RSPO4: variants seen among roughly 807,000 people sequenced by gnomAD.
RSPO4 encodes the protein R-spondin 4, also known as R-spondin-4.
In RSPO4, 23 loss-of-function variants were observed where a neutral mutation model predicts 24.8. The observed-to-expected ratio is 0.93, with a 90% CI of 0.67 to 1.31. RSPO4 has a LOEUF of 1.31. Among genes scored for constraint, RSPO4 ranks in the 40% most tolerant of loss-of-function variants. The pLI is 0.00. For synonymous variants in RSPO4, 141 were observed against 127.4 expected, an observed-to-expected ratio of 1.11 and a Z score of -0.72; for missense variants, 333 against 316.5, an observed-to-expected ratio of 1.05 and a Z score of -0.39.
At chr20:964,719 T>C (rs1215128340) in intron 3 of RSPO4, among the ~76,000 whole-genome samples, 4 of 149,758 alleles carry the variant, frequency 2.7e-5, no homozygotes, top group Admixed American at 6.7e-5. Context: ...CATATATATA[T>C]ACACATATAT....
chr20:964,755 CAT>C (rs201245326), intron 3 of RSPO4, among the ~76,000 whole-genome samples: 187 of 131,798 alleles, frequency 1.4e-3, no homozygotes, highest in Admixed American at 2.6e-3. Flanking sequence ...TATATATACA[CAT>C]ATATATACAC....
intron 1 of RSPO4, among the ~76,000 whole-genome samples, chr20:980,080 G>C (rs1984689828): frequency 6.6e-6 from 1 of 152,064 alleles, no homozygotes; most frequent in Admixed American, 6.6e-5. Context: ...CGCATAGAGG[G>C]GCTGCAAAAC....
chr20:964,777 CATAT>C (rs1555795369), intron 3 of RSPO4, among the ~76,000 whole-genome samples: 2 of 139,904 alleles, frequency 1.4e-5, no homozygotes, highest in South Asian at 4.6e-4. Flanking sequence ...CACACACACA[CATAT>C]ATATATACAC....
At chr20:983,298 T>TCCAGCCCA (rs1984801183) in intron 1 of RSPO4, among the ~76,000 whole-genome samples, 1 of 152,228 alleles carries the variant, frequency 6.6e-6, no homozygotes, top group East Asian at 1.9e-4. Flanking sequence ...TGCAGTTTCC[T>TCCAGCCCA]ATCGGAAAAG....
At chr20:992,699 A>G (rs888744603) in intron 1 of RSPO4, among the ~76,000 whole-genome samples, 1 of 152,196 alleles carries the variant, frequency 6.6e-6, no homozygotes, top group Non-Finnish European at 1.5e-5. Context: ...CTGTCACCCA[A>G]GCATGGCAGT....
intron 1 of RSPO4, among the ~76,000 whole-genome samples, chr20:987,730 G>A (rs553404935): frequency 2.0e-5 from 3 of 152,332 alleles, no homozygotes; most frequent in African/African-American, 7.2e-5. Context: ...GGTCAAGGCT[G>A]CAATGAGCTA....
chr20:991,387 C>T (rs1985097357), intron 1 of RSPO4, among the ~76,000 whole-genome samples: 1 of 152,136 alleles, frequency 6.6e-6, no homozygotes, highest in Admixed American at 6.5e-5. Context: ...ATGATTTCTA[C>T]TCTCCAAAGG....
In RSPO4 at chr20:981,313, C is replaced by T. The variant is rs1984727167; in HGVS notation, c.80-13175G>A. The stretch of plus-strand genomic sequence containing the variant: ...GCTGAGGCAGGTAGATCATAGGAGG[C>T]CCGGAGTTCGAGACCAGCCTGGCCA... On this transcript the variant is annotated intron_variant, in intron 1 of 4. Transcript: ENST00000217260. This position sits in a 1 kb window ranked among gnomAD's most constrained non-coding sequence, Gnocchi z 4.6. 6.6e-6 allele frequency among the ~76,000 whole-genome samples: 1 copy of T among 152,116 alleles called. No individual in the cohort carries two copies. Among genetic ancestry groups the T allele is most frequent in the African/African-American group, 2.4e-5 (1 of 41,412 alleles).
chr20:996,828 C>A (rs1234433776), intron 1 of RSPO4, among the ~76,000 whole-genome samples: 1 of 150,178 alleles, frequency 6.7e-6, no homozygotes, highest in Non-Finnish European at 1.5e-5. Context: ...CCTTCGGCCA[C>A]GCAGTCCCTT....
intron 1 of RSPO4, among the ~76,000 whole-genome samples, chr20:987,857 A>G (rs1984969833): frequency 6.6e-6 from 1 of 152,216 alleles, no homozygotes; most frequent in Non-Finnish European, 1.5e-5. Flanking sequence ...TTCCACAGAT[A>G]TTTATTGAGG....
intron 1 of RSPO4, among the ~76,000 whole-genome samples, chr20:976,054 C>T (rs1568917045): frequency 6.6e-6 from 1 of 152,168 alleles, no homozygotes; most frequent in African/African-American, 2.4e-5. Flanking sequence ...GGCCCCATCA[C>T]TCATTGAATG....
intron 1 of RSPO4, among the ~76,000 whole-genome samples, chr20:979,625 T>C (rs956909010): frequency 2.0e-5 from 3 of 151,832 alleles, no homozygotes; most frequent in African/African-American, 7.3e-5. Flanking sequence ...AAGCCCTGGG[T>C]CTGGAGAGTT....
chr20:987,282 G>T (rs1178734394), intron 1 of RSPO4, among the ~76,000 whole-genome samples: 3 of 152,284 alleles, frequency 2.0e-5, no homozygotes, highest in East Asian at 3.9e-4. Flanking sequence ...TGGGCCTGAG[G>T]ATGGTTGGGG....
chr20:988,860 C>T (rs1985004619), intron 1 of RSPO4, among the ~76,000 whole-genome samples: 1 of 152,150 alleles, frequency 6.6e-6, no homozygotes, highest in Admixed American at 6.5e-5. Flanking sequence ...CAGATCTCAG[C>T]TTTTAAGAGG....
intron 1 of RSPO4, among the ~76,000 whole-genome samples, chr20:977,389 T>C (rs1984598350): frequency 6.6e-6 from 1 of 152,194 alleles, no homozygotes; most frequent in Admixed American, 6.5e-5. Context: ...CTTGACCCAG[T>C]GCCTTAACCT....
intron 3 of RSPO4, 71 bp downstream of exon 3, chr20:967,103 A>G (rs1984227586): frequency 6.7e-7 from 1 of 1,500,114 alleles, no homozygotes. Context: ...AGGGCCCCTA[A>G]CATCTCTCAC....
In RSPO4 at chr20:970,963, C is replaced by T. The variant is rs955570552; in HGVS notation, c.80-2825G>A. Among the ~76,000 whole-genome samples the T allele has an allele frequency of 1.3e-5, 2 of 152,158 alleles. No homozygotes were observed. Among genetic ancestry groups the T allele is most frequent in the African/African-American group, 4.8e-5 (2 of 41,440 alleles). ...GCTCAAGCAATCCTCCTGCCTCAGCCTCCTAAGTAGCTGGGACTACAGGCA... is the reference window on the plus strand; with the variant it reads ...GCTCAAGCAATCCTCCTGCCTCAGCTTCCTAAGTAGCTGGGACTACAGGCA... On this transcript the variant is annotated intron_variant, in intron 1 of 4. Coordinates refer to ENST00000217260, the MANE Select transcript of RSPO4 (RefSeq NM_001029871.4). The surrounding 1 kb of genome is among the most constrained non-coding windows in gnomAD (Gnocchi z 4.1).
At chr20:968,187 G>A (rs758878621) in intron 1 of RSPO4, 49 bp from the exon 2 acceptor site, 1 of 1,562,948 alleles carries the variant, frequency 6.4e-7, no homozygotes, top group East Asian at 2.2e-5. Context: ...GAGAGAGATG[G>A]TCAAACCATA....
chr20:1,002,029 GC>G lies in RSPO4; in HGVS notation c.79+56del. ...CAGAGCCGCCGCCCCCGGTCCTCCG[GC>G]CCCCGGTCTGCCCCGCAGCGCCTGC... is the stretch of plus-strand genomic sequence containing the variant. On this transcript the variant is annotated intron_variant, in intron 1 of 4. Transcript: ENST00000217260. This position sits in a 1 kb window ranked among gnomAD's most constrained non-coding sequence, Gnocchi z 4.6. 8.9e-6 allele frequency: 13 copies of G among 1,460,346 alleles called. No individual in the cohort carries two copies. The highest frequency in any genetic ancestry group is 2.5e-5 in the East Asian group (1 of 39,874). The allele number at this position is 1,460,346 out of a possible 1,614,324, so 90.5% of individuals were successfully genotyped here.
Sources: gnomAD v4.1 joint callset for allele counts (sites outside exome capture counted in the v4.1 genomes callset) on GRCh38, gnomAD v4.1.1 for gene constraint, Gnocchi (gnomAD v3.1) non-coding constraint, MANE v1.5 for transcripts, NCBI Gene and HGNC (gene_info 2026-07-23, HGNC 2026-07-21) for gene names.